The following ACSL5 variants were observed in gnomAD, a reference collection of about 807,000 sequenced individuals.
ACSL5 encodes long-chain-fatty-acid--CoA ligase 5.
A neutral mutation model predicts 84.9 loss-of-function variants in ACSL5; 50 were observed. The ratio of observed to expected loss-of-function variants is 0.59; its 90% CI spans 0.47 to 0.75. ACSL5 has a LOEUF of 0.75. Among genes scored for constraint, ACSL5 ranks in the 30% least tolerant of loss-of-function variants. The pLI, the probability that ACSL5 is intolerant of heterozygous loss-of-function variation, is 0.00. For missense variants in ACSL5, 775 were observed against 830.4 expected (o/e 0.93, Z 0.82); for synonymous variants, 280 against 300.7 (o/e 0.93, Z 0.71).
intron 3 of ACSL5, among the ~76,000 whole-genome samples, chr10:112,401,742 C>T (rs542665012): frequency 1.3e-5 from 2 of 152,296 alleles, no homozygotes; most frequent in South Asian, 2.1e-4. Context: ...ATAATTCCTT[C>T]CTGGAACTCT....
Position 112,426,841 on chromosome 10 carries a change from C to T in ACSL5, c.1893C>T (p.Gly631=). 1 of 1,613,782 alleles carries T rather than the reference C, an allele frequency of 6.2e-7. No individual in the cohort carries two copies. The highest frequency in any genetic ancestry group is 1.1e-5 in the South Asian group (1 of 91,082). The change falls in exon 20 of 21, where the codon GGC becomes GGT. Residue 631 remains glycine, a synonymous_variant. Transcript: ENST00000354655. Reference sequence around the variant, plus strand: ...TGCAGAAAATTGGGAAAGAAAGTGGCCTTAAAACTTTTGAACAGGTGTGTG... The same window carrying T: ...TGCAGAAAATTGGGAAAGAAAGTGGTCTTAAAACTTTTGAACAGGTGTGTG... ...EDLQKIGKES[G]LKTFEQVKAI...
rs758534994 is a variant in ACSL5 at position 112,421,651 on chromosome 10, G to C, written c.1373G>C (p.Gly458Ala). 2 of 1,613,788 alleles carry C rather than the reference G, an allele frequency of 1.2e-6. No individual in the cohort carries two copies. The highest frequency in any genetic ancestry group is 1.7e-6 in the Non-Finnish European group (2 of 1,179,700). The change falls in exon 15 of 21, where the codon GGG becomes GCG. Residue 458 changes from glycine to alanine, a missense_variant. Physicochemically the swap from Gly to Ala is moderately conservative, Grantham distance 60 (BLOSUM62 0). Coordinates refer to ENST00000354655, the MANE Select transcript of ACSL5 (RefSeq NM_203379.2). The part of the protein sequence containing the change: ...CTGGCTFTLP[G>A]DWTSGHVGVP... ...GGTGGCTGTACATTTACATTACCTG[G>C]GGACTGGACATCAGGTAAGTCCTCC...
intron 3 of ACSL5, among the ~76,000 whole-genome samples, chr10:112,400,293 A>G (rs899540806): frequency 1.5e-4 from 22 of 151,612 alleles, no homozygotes; most frequent in Admixed American, 5.3e-4. Flanking sequence ...ATAGCTCACT[A>G]CAACTTTAAA....
At chr10:112,405,506 C>A (rs1341876609) in intron 5 of ACSL5, among the ~76,000 whole-genome samples, 1 of 152,066 alleles carries the variant, frequency 6.6e-6, no homozygotes, top group African/African-American at 2.4e-5. Flanking sequence ...ACTGTAAGTC[C>A]CATTTCTAAT....
chr10:112,427,153 CA>C, intron 20 of ACSL5, 64 bp from the exon 21 acceptor site: 1 of 1,524,032 alleles, frequency 6.6e-7, no homozygotes. Flanking sequence ...ACAGAGCACT[CA>C]GGGGGCTCTG....
chr10:112,399,627 T>C (rs1843829751), intron 3 of ACSL5, among the ~76,000 whole-genome samples: 2 of 152,212 alleles, frequency 1.3e-5, no homozygotes, highest in African/African-American at 4.8e-5. Flanking sequence ...ACACACACGT[T>C]TACTTTTAAA....
chr10:112,418,541 C>T (rs1844372947), intron 14 of ACSL5, among the ~76,000 whole-genome samples: 1 of 152,006 alleles, frequency 6.6e-6, no homozygotes, highest in Non-Finnish European at 1.5e-5. Context: ...GAGATTGCGC[C>T]ACTGCACTCC....
intron 1 of ACSL5, 39 bp from the exon 2 acceptor site, chr10:112,394,879 A>G (rs770169801): frequency 2.7e-5 from 43 of 1,601,530 alleles, no homozygotes; most frequent in Middle Eastern, 1.7e-4. Flanking sequence ...AAATATGGCC[A>G]TTTCCTCTAA....
chr10:112,381,563 G>A (rs1589669597), intron 1 of ACSL5, among the ~76,000 whole-genome samples: 1 of 152,118 alleles, frequency 6.6e-6, no homozygotes, highest in East Asian at 1.9e-4. Flanking sequence ...AGCTACTCGG[G>A]AGGCTGAGGC....
chr10:112,388,931 C>T (rs12255316), intron 1 of ACSL5, among the ~76,000 whole-genome samples: 74,114 of 151,834 alleles, frequency 0.49, 18,188 homozygotes, highest in South Asian at 0.58. Flanking sequence ...GAACAGACTT[C>T]GAATAGGGTT....
At chr10:112,408,558 C>A in intron 6 of ACSL5, 37 bp downstream of exon 6, 1 of 1,345,400 alleles carries the variant, frequency 7.4e-7, no homozygotes, top group Non-Finnish European at 1.1e-6. Context: ...TTGATTCTTT[C>A]TCAATGCTGA....
At chr10:112,410,401 C>T (rs1418990184) in intron 7 of ACSL5, 62 bp from the exon 8 acceptor site, 1 of 1,610,944 alleles carries the variant, frequency 6.2e-7, no homozygotes, top group Non-Finnish European at 8.5e-7. Context: ...GAGAGGGCCA[C>T]ATTTATCACA....
chr10:112,383,812 C>CTGT (rs1849397193), intron 1 of ACSL5, among the ~76,000 whole-genome samples: 1 of 150,958 alleles, frequency 6.6e-6, no homozygotes, highest in South Asian at 2.1e-4. Context: ...TCATTTTATT[C>CTGT]TTTTTTTTTG....
Position 112,427,430 on chromosome 10 carries a change from C to A in ACSL5, c.*72C>A. ...GAAAATGGATTAAAAACTATTCTTA[C>A]ATTTGTTTTGCCTTTCCTCCTATTT... On this transcript the variant is annotated 3_prime_UTR_variant, in exon 21 of 21. Coordinates refer to ENST00000354655, the MANE Select transcript of ACSL5 (RefSeq NM_203379.2). 7.0e-7 allele frequency: 1 copy of A among 1,419,872 alleles called. No individual in the cohort carries two copies. The highest frequency in any genetic ancestry group is 1.5e-5 in the South Asian group (1 of 64,864). 88.0% of individuals were successfully genotyped at this position (1,419,872 alleles called of 1,614,324 possible).
chr10:112,399,076 C>T lies in ACSL5; in HGVS notation c.265+67C>T, dbSNP rs1219146560. On this transcript the variant is annotated intron_variant, in intron 3 of 20. Transcript: ENST00000354655. ...AGGTCTGTGGCCCATCTCTCTTTCTCTGTCTCACTTCTAAAACCCCAGCTA... is the reference window on the plus strand; with the variant it reads ...AGGTCTGTGGCCCATCTCTCTTTCTTTGTCTCACTTCTAAAACCCCAGCTA... 6.7e-6 allele frequency: 9 copies of T among 1,349,200 alleles called. No homozygotes were observed. In the Admixed American group the frequency reaches 1.2e-4, roughly 18 times the overall value. 83.6% of individuals were successfully genotyped at this position (1,349,200 alleles called of 1,614,324 possible). A position where few individuals can be genotyped will look rare whatever the true frequency, so the allele number is the denominator to read the frequency against.
rs1844112380 is a variant in ACSL5, at chr10:112,408,796, T to G, written c.532+275T>G. The G allele has an allele frequency of 2.2e-5, 7 of 325,552 alleles. No individual in the cohort carries two copies. The South Asian group carries it at 2.6e-4, about 12-fold the overall frequency. 20.2% of individuals were successfully genotyped at this position (325,552 alleles called of 1,614,324 possible). A position where few individuals can be genotyped will look rare whatever the true frequency, so the allele number is the denominator to read the frequency against. On this transcript the variant is annotated intron_variant, in intron 6 of 20. Coordinates refer to ENST00000354655, the MANE Select transcript of ACSL5 (RefSeq NM_203379.2). ...GATATAGAGACAAGACTACTCACTC[T>G]GAACACACTAGATAAAAGCCCAGAG...
chr10:112,390,755 C>T (rs1849545098), intron 1 of ACSL5, among the ~76,000 whole-genome samples: 1 of 152,124 alleles, frequency 6.6e-6, no homozygotes, highest in Non-Finnish European at 1.5e-5. Flanking sequence ...AAACGAAGTA[C>T]AGACATACTA....
Position 112,404,547 on chromosome 10 carries a change from A to G in ACSL5, c.302A>G (p.Gln101Arg), listed in dbSNP as rs746928120. 1 of 1,613,872 alleles carries G rather than the reference A, an allele frequency of 6.2e-7. No homozygotes were observed. The highest frequency in any genetic ancestry group is 1.1e-5 in the South Asian group (1 of 91,066). ...TGCTTGGGATATAGAAAACCAAACC[A>G]GCCCTACAGATGGCTATCTTACAAA... Reference protein sequence around the residue: ...GPCLGYRKPNQPYRWLSYKQV... With the variant: ...GPCLGYRKPNRPYRWLSYKQV... The change falls in exon 4 of 21, where the codon CAG (glutamine) becomes CGG (arginine). Residue 101 changes from glutamine (Q) to arginine (R), a missense_variant. By Grantham distance (43) the Gln-to-Arg change is conservative. Coordinates refer to ENST00000354655, the MANE Select transcript of ACSL5 (RefSeq NM_203379.2).
At chr10:112,411,657 T>C (rs2133633077) in intron 10 of ACSL5, 128 bp downstream of exon 10, 1 of 949,452 alleles carries the variant, frequency 1.1e-6, no homozygotes, top group South Asian at 1.5e-5. Flanking sequence ...CGTTAAAGGC[T>C]GGAGTGTGGA....
Sources: allele counts gnomAD v4.1 joint callset (sites outside exome capture counted in the v4.1 genomes callset), GRCh38; gene constraint gnomAD v4.1.1; transcripts MANE v1.5; gene names NCBI Gene and HGNC (gene_info 2026-07-23, HGNC 2026-07-21).